Variants in ASPA observed in about 807,000 individuals in gnomAD.
ASPA encodes the protein aspartoacylase.
A neutral mutation model predicts 29.6 loss-of-function variants in ASPA; 25 were observed. The ratio of observed to expected loss-of-function variants is 0.85; its 90% confidence interval spans 0.62 to 1.18. The LOEUF is 1.18. Among genes scored for constraint, ASPA ranks in the 50% most tolerant of loss-of-function variants. The probability of loss-of-function intolerance (pLI) is 0.00; values close to 1 mark genes in which losing one functional copy is unlikely to be tolerated. For synonymous variants in ASPA, 131 were observed against 130.3 expected (o/e 1.01, Z -0.04); for missense variants, 333 against 385.7 (o/e 0.86, Z 1.14).
Position 3,501,506 on chromosome 17 carries a change from T to G in ASPA, c.*2418T>G, listed in dbSNP as rs935035804. ...ACACTTGAATGGATGAGGAGTCGCT[T>G]CTTATAAATGAGCAAAAAAGTGGTT... On this transcript the variant is annotated 3_prime_UTR_variant, in exon 6 of 6. Transcript: ENST00000263080. 1 of 153,416 alleles carries G rather than the reference T, an allele frequency of 6.5e-6. No individual in the cohort carries two copies. Among genetic ancestry groups the G allele is most frequent in the Non-Finnish European group, 1.5e-5 (1 of 68,822 alleles). 9.5% of individuals were successfully genotyped at this position (153,416 alleles called of 1,614,324 possible).
At position 3,476,038 on chromosome 17, in the gene ASPA, A is replaced by T. The variant is rs1449716615; in HGVS notation, c.-122A>T. ...AATTAAAATATACTCCACTCAAGGGAATTCTGTACTTTGCCCTTTGGGTAA... is the reference window on the plus strand; with the variant it reads ...AATTAAAATATACTCCACTCAAGGGTATTCTGTACTTTGCCCTTTGGGTAA... On this transcript the variant is annotated 5_prime_UTR_variant, in exon 1 of 6. Transcript: ENST00000263080. 5.6e-6 allele frequency: 5 copies of T among 887,450 alleles called. No homozygotes were observed. The Admixed American group carries it at 8.5e-5, about 15-fold the overall frequency. 55.0% of individuals were successfully genotyped at this position (887,450 alleles called of 1,614,324 possible).
rs1357840504 is a variant in ASPA at position 3,494,474 on chromosome 17, T to G, written c.744+15T>G. ...CTAATCTGCAGGTAACATTTGTTCT[T>G]TCTTTAAAATGTTGAAAATAATAAT... is the stretch of plus-strand genomic sequence containing the variant. On this transcript the variant is annotated intron_variant, in intron 5 of 5. Transcript: ENST00000263080. 1 of 1,569,032 alleles carries G rather than the reference T, an allele frequency of 6.4e-7. No homozygotes were observed. Among genetic ancestry groups the G allele is most frequent in the Non-Finnish European group, 8.8e-7 (1 of 1,139,100 alleles).
At position 3,499,247 on chromosome 17, in the gene ASPA, A is replaced by G. The variant is rs771525119; in HGVS notation, c.*159A>G. The stretch of plus-strand genomic sequence containing the variant: ...AAGCACATTTCTTAAATTAATTAAT[A>G]TATCTTTAAAGATATCATATTTTAT... On this transcript the variant is annotated 3_prime_UTR_variant, in exon 6 of 6. Coordinates refer to ENST00000263080, the MANE Select transcript of ASPA (RefSeq NM_000049.4). 8.3e-6 allele frequency: 5 copies of G among 603,302 alleles called. No homozygotes were observed. Among genetic ancestry groups the G allele is most frequent in the Non-Finnish European group, 8.3e-6 (3 of 359,322 alleles). The allele number at this position is 603,302 out of a possible 1,614,324, so 37.4% of individuals were successfully genotyped here. A position where few individuals can be genotyped will look rare whatever the true frequency, so the allele number is the denominator to read the frequency against.
chr17:3,489,173 C>T lies in ASPA; in HGVS notation c.527-62C>T. ...TTCTAAATCTTGATACATTAAAATG[C>T]TTAGTTTTATAATATATTTTCATAC... On this transcript the variant is annotated intron_variant, in intron 3 of 5. Transcript: ENST00000263080. 3.0e-6 allele frequency: 3 copies of T among 1,000,350 alleles called. 1 individual carries two copies. The highest frequency in any genetic ancestry group is 2.9e-5 in the South Asian group (2 of 70,056). 62.0% of individuals were successfully genotyped at this position (1,000,350 alleles called of 1,614,324 possible). A position where few individuals can be genotyped will look rare whatever the true frequency, so the allele number is the denominator to read the frequency against.
At chr17:3,479,098 C>T (rs1192201779) in intron 1 of ASPA, among the ~76,000 whole-genome samples, 4 of 152,224 alleles carry the variant, frequency 2.6e-5, no homozygotes, top group African/African-American at 9.6e-5. Context: ...TATCATGTCT[C>T]TCCCCTGCTG....
chr17:3,502,498 T>C lies in ASPA; in HGVS notation c.*3410T>C, dbSNP rs1273576964. The C allele has an allele frequency of 1.3e-5, 2 of 152,236 alleles. No individual in the cohort carries two copies. The highest frequency in any genetic ancestry group is 6.5e-5 in the Admixed American group (1 of 15,284). 9.4% of individuals were successfully genotyped at this position (152,236 alleles called of 1,614,324 possible). On this transcript the variant is annotated 3_prime_UTR_variant, in exon 6 of 6. Coordinates refer to ENST00000263080, the MANE Select transcript of ASPA (RefSeq NM_000049.4). ...TGGGTTAATGGTAATATACTAAGCG[T>C]CCAGTCTATAAACTTCAGCATTCGT...
At chr17:3,483,159 A>G (rs913634194) in intron 2 of ASPA, among the ~76,000 whole-genome samples, 3 of 152,176 alleles carry the variant, frequency 2.0e-5, no homozygotes, top group African/African-American at 4.8e-5. Flanking sequence ...ATACCAAGCT[A>G]AATAGTTAGT....
In ASPA at chr17:3,483,264, T is replaced by C. The variant is rs9902229; in HGVS notation, c.433-235T>C. On this transcript the variant is annotated intron_variant, in intron 2 of 5. Coordinates refer to ENST00000263080, the MANE Select transcript of ASPA (RefSeq NM_000049.4). ...TGGTTCTGGAGAACTATTTAATGTA[T>C]ATTTTACCTGGAAAGACACTGTATA... 0.28 allele frequency among the ~76,000 whole-genome samples: 42,304 copies of C among 152,026 alleles called. 6,388 individuals carry two copies. The highest frequency in any genetic ancestry group is 0.57 in the East Asian group (2,960 of 5,156).
chr17:3,489,247 G>A lies in ASPA; in HGVS notation c.539G>A (p.Gly180Asp). 1 of 1,610,980 alleles carries A rather than the reference G, an allele frequency of 6.2e-7. No homozygotes were observed. The highest frequency in any genetic ancestry group is 1.1e-5 in the South Asian group (1 of 90,930). Reference sequence around the variant, plus strand: ...CTTCTGTACCTAGGTATAGAAGTTGGTCCTCAGCCTCAAGGGGTTCTGAGA... The same window carrying A: ...CTTCTGTACCTAGGTATAGAAGTTGATCCTCAGCCTCAAGGGGTTCTGAGA... Reference protein sequence around the residue: ...IAKYPVGIEVGPQPQGVLRAD... With the variant: ...IAKYPVGIEVDPQPQGVLRAD... Residue 180 changes from glycine to aspartate, a missense_variant, in exon 4 of 6, where the codon GGT (glycine) becomes GAT (aspartate). Physicochemically the swap from Gly to Asp is moderately conservative, Grantham distance 94. Transcript: ENST00000263080.
In ASPA at chr17:3,481,740, C is replaced by A; in HGVS notation, c.374C>A (p.Thr125Asn). Residue 125 changes from threonine to asparagine, a missense_variant, in exon 2 of 6, where the codon ACT becomes AAT. Thr to Asn is a moderately conservative substitution (Grantham distance 65, BLOSUM62 0). Transcript: ENST00000263080. ...LHNTTSNMGC[T>N]LILEDSRNNF... ...AACACCACCTCTAACATGGGGTGCACTCTTATTCTTGAGGATTCCAGGAAT... is the reference window on the plus strand; with the variant it reads ...AACACCACCTCTAACATGGGGTGCAATCTTATTCTTGAGGATTCCAGGAAT... The A allele has an allele frequency of 6.2e-7, 1 of 1,613,504 alleles. No homozygotes were observed. The highest frequency in any genetic ancestry group is 1.3e-5 in the African/African-American group (1 of 75,042).
intron 1 of ASPA, among the ~76,000 whole-genome samples, chr17:3,478,500 A>G (rs2073570738): frequency 6.6e-6 from 1 of 152,218 alleles, no homozygotes; most frequent in African/African-American, 2.4e-5. Flanking sequence ...CTATTGACCT[A>G]AGAGAGCTGT....
At chr17:3,481,930 T>C (rs986473598) in intron 2 of ASPA, 132 bp downstream of exon 2, 20 of 860,394 alleles carry the variant, frequency 2.3e-5, no homozygotes, top group Non-Finnish European at 3.6e-5. Flanking sequence ...ATAGCCAGGC[T>C]TGGTGGTTGG....
At chr17:3,495,729 C>T (rs915372906) in intron 5 of ASPA, among the ~76,000 whole-genome samples, 2 of 152,068 alleles carry the variant, frequency 1.3e-5, no homozygotes, top group East Asian at 1.9e-4. Context: ...TCACCACACC[C>T]GGCTAACTTT....
At chr17:3,482,456 A>G (rs1308170318) in intron 2 of ASPA, among the ~76,000 whole-genome samples, 2 of 152,218 alleles carry the variant, frequency 1.3e-5, no homozygotes, top group East Asian at 3.8e-4. Flanking sequence ...TGTGTACTAG[A>G]TAGCCTTCCT....
At chr17:3,498,775 A>G (rs1214043444) in intron 5 of ASPA, 116 bp from the exon 6 acceptor site, 75 of 1,051,922 alleles carry the variant, frequency 7.1e-5, no homozygotes, top group Non-Finnish European at 6.5e-6. Flanking sequence ...GCCTCGCTCA[A>G]GTATCTCTTT....
chr17:3,484,346 G>A (rs538130731), intron 3 of ASPA, among the ~76,000 whole-genome samples: 2 of 152,238 alleles, frequency 1.3e-5, no homozygotes, highest in African/African-American at 2.4e-5. Context: ...AAACAGCTTC[G>A]TATGTGATGA....
At chr17:3,486,885 A>C (rs1159300614) in intron 3 of ASPA, among the ~76,000 whole-genome samples, 1 of 152,208 alleles carries the variant, frequency 6.6e-6, no homozygotes, top group Non-Finnish European at 1.5e-5. Flanking sequence ...CTCATATCAG[A>C]GCAGAATATT....
intron 5 of ASPA, among the ~76,000 whole-genome samples, chr17:3,498,347 CTTT>C (rs574497287): frequency 1.3e-5 from 2 of 151,960 alleles, no homozygotes; most frequent in African/African-American, 2.4e-5. Context: ...GAAGCAAACT[CTTT>C]TTTATTTTTT....
At position 3,490,948 on chromosome 17, in the gene ASPA, C is replaced by A. The variant is rs2073814140; in HGVS notation, c.634+1606C>A. ...GATTCGGCAAATCAAAAATTGTCAA[C>A]CACGATTAATTTAGACTATCCAGCT... is the stretch of plus-strand genomic sequence containing the variant. On this transcript the variant is annotated intron_variant, in intron 4 of 5. Transcript: ENST00000263080. The surrounding 1 kb of genome is among the most constrained non-coding windows in gnomAD (Gnocchi z 4.6). Among the ~76,000 whole-genome samples the A allele has an allele frequency of 6.6e-6, 1 of 152,116 alleles. No homozygotes were observed. The highest frequency in any genetic ancestry group is 2.4e-5 in the African/African-American group (1 of 41,430).
Sources: gnomAD v4.1 joint callset for allele counts (sites outside exome capture counted in the v4.1 genomes callset) on GRCh38, gnomAD v4.1.1 for gene constraint, Gnocchi (gnomAD v3.1) non-coding constraint, MANE v1.5 for transcripts, NCBI Gene and HGNC (gene_info 2026-07-23, HGNC 2026-07-21) for gene names.